Variants in EPB41L4B observed in about 807,000 individuals in gnomAD.
EPB41L4B encodes the protein band 4.1-like protein 4B.
A neutral mutation model predicts 112.5 loss-of-function variants in EPB41L4B; 30 were observed. The observed-to-expected ratio is 0.27, with a 90% CI of 0.20 to 0.36. The LOEUF (loss-of-function observed/expected upper bound fraction) is 0.36, where lower values mean the gene tolerates loss of function less well. Ranked by LOEUF, EPB41L4B falls within the 10% of genes least tolerant of loss-of-function variation. The pLI is 1.00. For missense variants in EPB41L4B, 1,024 were observed against 1,133.3 expected (o/e 0.90, Z 1.38); for synonymous variants, 408 against 439.7 (o/e 0.93, Z 0.90).
At chr9:109,294,935 T>C (rs553429623) in intron 1 of EPB41L4B, among the ~76,000 whole-genome samples, 3 of 152,224 alleles carry the variant, frequency 2.0e-5, no homozygotes, top group Admixed American at 2.0e-4. Flanking sequence ...CAGTGTGGGC[T>C]GAGCCCTGAC....
intron 18 of EPB41L4B, among the ~76,000 whole-genome samples, chr9:109,205,868 C>T (rs1189086949): frequency 6.6e-6 from 1 of 152,178 alleles, no homozygotes; most frequent in Non-Finnish European, 1.5e-5. Flanking sequence ...AGGTGACATT[C>T]CTGATCAATC....
chr9:109,251,848 G>C (rs775149075), intron 12 of EPB41L4B, among the ~76,000 whole-genome samples: 1 of 152,210 alleles, frequency 6.6e-6, no homozygotes, highest in Non-Finnish European at 1.5e-5. Context: ...AACAGCACAC[G>C]GTGATCAGGG....
chr9:109,255,990 C>T, intron 9 of EPB41L4B, 146 bp downstream of exon 9: 1 of 1,158,674 alleles, frequency 8.6e-7, no homozygotes, highest in South Asian at 1.5e-5. Context: ...AGTTTCAGCG[C>T]AACTGCCACA....
chr9:109,310,780 T>G (rs762849093), intron 1 of EPB41L4B, among the ~76,000 whole-genome samples: 1 of 152,222 alleles, frequency 6.6e-6, no homozygotes, highest in Non-Finnish European at 1.5e-5. Context: ...GGTCCAGACC[T>G]GCATAAACAT....
In EPB41L4B at chr9:109,240,068, C is replaced by T. The variant is rs1008390120; in HGVS notation, c.1409+3550G>A. 3 of 985,194 alleles carry T rather than the reference C, an allele frequency of 3.0e-6. No individual in the cohort carries two copies. In the African/African-American group the frequency reaches 5.2e-5, roughly 17 times the overall value. The allele number at this position is 985,194 out of a possible 1,614,324, so 61.0% of individuals were successfully genotyped here. ...ATGCTCACCTTCAGACTTCCAAAAGCCAACTGTTCTGTTACCAAGGTCATT... is the reference window on the plus strand; with the variant it reads ...ATGCTCACCTTCAGACTTCCAAAAGTCAACTGTTCTGTTACCAAGGTCATT... On this transcript the variant is annotated intron_variant, in intron 15 of 25. Transcript: ENST00000374566.
Position 109,174,423 on chromosome 9 carries a change from T to C in EPB41L4B, c.*131A>G. The C allele has an allele frequency of 1.2e-6, 1 of 847,670 alleles. No individual in the cohort carries two copies. The allele number at this position is 847,670 out of a possible 1,614,324, so 52.5% of individuals were successfully genotyped here. A position where few individuals can be genotyped will look rare whatever the true frequency, so the allele number is the denominator to read the frequency against. Reference sequence around the variant, plus strand: ...ATAAAAGTCAAGCCAGAAATTGGCTTCAACTAACCATGGAGACCTGGGCGA... The same window carrying C: ...ATAAAAGTCAAGCCAGAAATTGGCTCCAACTAACCATGGAGACCTGGGCGA... On this transcript the variant is annotated 3_prime_UTR_variant, in exon 26 of 26. Coordinates refer to ENST00000374566, the MANE Select transcript of EPB41L4B (RefSeq NM_019114.5).
intron 17 of EPB41L4B, among the ~76,000 whole-genome samples, chr9:109,209,720 T>C (rs565762529): frequency 2.6e-5 from 4 of 152,244 alleles, no homozygotes; most frequent in South Asian, 2.1e-4. Context: ...GAGCTTATTA[T>C]GGGTTAGCCA....
At chr9:109,209,436 G>A (rs927125001) in intron 17 of EPB41L4B, among the ~76,000 whole-genome samples, 2 of 151,984 alleles carry the variant, frequency 1.3e-5, no homozygotes, top group East Asian at 3.9e-4. Context: ...CGGGGCGGGT[G>A]GATCACTTGA....
intron 1 of EPB41L4B, among the ~76,000 whole-genome samples, chr9:109,319,536 A>G (rs542521886): frequency 2.0e-4 from 31 of 152,180 alleles, no homozygotes; most frequent in Non-Finnish European, 2.8e-4. Flanking sequence ...TGCGGGGCAG[A>G]TGGGGCTCAG....
chr9:109,240,010 T>C, intron 15 of EPB41L4B: 3 of 985,362 alleles, frequency 3.0e-6, no homozygotes, highest in Non-Finnish European at 3.6e-6. Context: ...GCAGCCTCAT[T>C]CTAGGATGAT....
In EPB41L4B at chr9:109,313,631, G is replaced by A. The variant is rs1327961397; in HGVS notation, c.306+6510C>T. Among the ~76,000 whole-genome samples, 3 of 152,244 alleles carry A rather than the reference G, an allele frequency of 2.0e-5. No homozygotes were observed. In the South Asian group the frequency reaches 6.2e-4, roughly 31 times the overall value. Reference sequence around the variant, plus strand: ...CAAGAGAAAGTAATTGTGGTGAGGAGGGTCAGAGTGCCAGGCAGCTTGCTT... The same window carrying A: ...CAAGAGAAAGTAATTGTGGTGAGGAAGGTCAGAGTGCCAGGCAGCTTGCTT... On this transcript the variant is annotated intron_variant, in intron 1 of 25. Transcript: ENST00000374566.
At chr9:109,207,874 C>A in intron 18 of EPB41L4B, 50 bp downstream of exon 18, 1 of 1,609,144 alleles carries the variant, frequency 6.2e-7, no homozygotes, top group Non-Finnish European at 8.5e-7. Flanking sequence ...TCTGTGGCAT[C>A]GAGGAAATCC....
intron 18 of EPB41L4B, among the ~76,000 whole-genome samples, chr9:109,207,243 G>A (rs574402246): frequency 6.6e-6 from 1 of 152,232 alleles, no homozygotes; most frequent in South Asian, 2.1e-4. Context: ...TTAGAGTTGT[G>A]TGGCCCAAAA....
At chr9:109,281,710 AAATAAATAAATAAATT>A (rs1271040240) in intron 1 of EPB41L4B, among the ~76,000 whole-genome samples, 9 of 127,622 alleles carry the variant, frequency 7.1e-5, no homozygotes, top group South Asian at 2.6e-4. Context: ...ATAAATAAAT[AAATAAATAAATAAATT>A]AATTAATTAA....
At chr9:109,214,215 C>T (rs1234244976) in intron 16 of EPB41L4B, among the ~76,000 whole-genome samples, 5 of 152,206 alleles carry the variant, frequency 3.3e-5, no homozygotes, top group African/African-American at 9.6e-5. Flanking sequence ...AGGCATATAA[C>T]GTGCCCTTAA....
Position 109,290,756 on chromosome 9 carries a change from TCACA to T in EPB41L4B, c.307-10839_307-10836del, listed in dbSNP as rs138900441. On this transcript the variant is annotated intron_variant, in intron 1 of 25. Transcript: ENST00000374566. ...ACACACACACATACATATATATACCTCACACACACACACACACACACACACACCC... is the reference window on the plus strand; with the variant it reads ...ACACACACACATACATATATATACCTCACACACACACACACACACACACCC... 2.2e-3 allele frequency among the ~76,000 whole-genome samples: 312 copies of T among 141,382 alleles called. 1 individual carries two copies. The highest frequency in any genetic ancestry group is 2.7e-3 in the Non-Finnish European group (178 of 64,908). 92.8% of individuals were successfully genotyped at this position (141,382 alleles called of 152,430 possible).
At chr9:109,286,062 T>G (rs532333588) in intron 1 of EPB41L4B, among the ~76,000 whole-genome samples, 1 of 151,648 alleles carries the variant, frequency 6.6e-6, no homozygotes, top group Non-Finnish European at 1.5e-5. Context: ...AGTACCCACA[T>G]CTCTGTCCCT....
At position 109,172,844 on chromosome 9, in the gene EPB41L4B, A is replaced by T. The variant is rs1279342024; in HGVS notation, c.*1710T>A. The T allele has an allele frequency of 1.3e-5, 2 of 152,668 alleles. No homozygotes were observed. The highest frequency in any genetic ancestry group is 6.5e-5 in the Admixed American group (1 of 15,286). 9.5% of individuals were successfully genotyped at this position (152,668 alleles called of 1,614,324 possible). ...TTACAACAATACTAGTAAATGAGGC[A>T]TTACCTTTTTTTGTAGTCATTAGTA... is the stretch of plus-strand genomic sequence containing the variant. On this transcript the variant is annotated 3_prime_UTR_variant, in exon 26 of 26. Coordinates refer to ENST00000374566, the MANE Select transcript of EPB41L4B (RefSeq NM_019114.5).
At chr9:109,241,879 A>C in intron 15 of EPB41L4B, 1 of 1,530,340 alleles carries the variant, frequency 6.5e-7, no homozygotes, top group African/African-American at 1.4e-5. Flanking sequence ...GTGAAACAAC[A>C]CAAGCACAAA....
Sources: allele counts gnomAD v4.1 joint callset (sites outside exome capture counted in the v4.1 genomes callset), GRCh38; gene constraint gnomAD v4.1.1; transcripts MANE v1.5; gene names NCBI Gene and HGNC (gene_info 2026-07-23, HGNC 2026-07-21).